The following KCNMB2 variants were observed in gnomAD, a reference collection of about 807,000 sequenced individuals.
The protein encoded by KCNMB2 is calcium-activated potassium channel subunit beta-2.
In KCNMB2, 9 loss-of-function variants were observed where a neutral mutation model predicts 24.5. That is an observed-to-expected ratio of 0.37 (90% CI 0.22 to 0.64). The LOEUF is 0.64. Ranked by LOEUF, KCNMB2 falls within the 30% of genes least tolerant of loss-of-function variation. KCNMB2 has a pLI of 0.63. For synonymous variants in KCNMB2, 109 were observed against 104.4 expected, an observed-to-expected ratio of 1.04 and a Z score of -0.27; for missense variants, 226 against 284.3, an observed-to-expected ratio of 0.79 and a Z score of 1.47.
chr3:178,662,165 C>T lies in KCNMB2; in HGVS notation c.-68+125454C>T, dbSNP rs368991347. Among the ~76,000 whole-genome samples, 46 of 152,224 alleles carry T rather than the reference C, an allele frequency of 3.0e-4. 1 individual carries two copies. In the South Asian group the frequency reaches 7.9e-3, roughly 26 times the overall value. ...TTATATGCTAAAGTATTGAAATTAT[C>T]GCATAGCCACAGAAATAAATTTTTA... On this transcript the variant is annotated intron_variant, in intron 1 of 4. Coordinates refer to ENST00000452583, the MANE Select transcript of KCNMB2 (RefSeq NM_181361.3).
rs1717492269 is a variant in KCNMB2 at position 178,587,603 on chromosome 3, T to G, written c.-68+50892T>G. Among the ~76,000 whole-genome samples, 3 of 145,414 alleles carry G rather than the reference T, an allele frequency of 2.1e-5. No individual in the cohort carries two copies. In the South Asian group the frequency reaches 6.6e-4, roughly 32 times the overall value. On this transcript the variant is annotated intron_variant, in intron 1 of 4. Coordinates refer to ENST00000452583, the MANE Select transcript of KCNMB2 (RefSeq NM_181361.3). ...CACACCCGGCTAATTTTTTGGGTGG[T>G]TTTTTTTTTTTTTTGTATTTTTAGT... is the stretch of plus-strand genomic sequence containing the variant.
intron 2 of KCNMB2, among the ~76,000 whole-genome samples, chr3:178,812,208 T>A (rs2108456034): frequency 6.6e-6 from 1 of 152,240 alleles, no homozygotes; most frequent in Non-Finnish European, 1.5e-5. Context: ...CTTTTTCATG[T>A]CTTTTGATAA....
At chr3:178,538,099 T>A (rs779810338) in intron 1 of KCNMB2, among the ~76,000 whole-genome samples, 1 of 152,234 alleles carries the variant, frequency 6.6e-6, no homozygotes, top group Non-Finnish European at 1.5e-5. Context: ...CTTCTATATA[T>A]ATACTGTAAT....
At chr3:178,582,340 A>T (rs1244458873) in intron 1 of KCNMB2, among the ~76,000 whole-genome samples, 1 of 152,166 alleles carries the variant, frequency 6.6e-6, no homozygotes, top group Admixed American at 6.6e-5. Flanking sequence ...GGGAGAGAAC[A>T]TCACACACCA....
At chr3:178,580,253 C>A (rs1004043499) in intron 1 of KCNMB2, among the ~76,000 whole-genome samples, 1 of 152,254 alleles carries the variant, frequency 6.6e-6, no homozygotes, top group African/African-American at 2.4e-5. Context: ...AACACATAAC[C>A]AGAACCAATG....
intron 1 of KCNMB2, among the ~76,000 whole-genome samples, chr3:178,594,044 C>T (rs1195546639): frequency 6.6e-6 from 1 of 151,718 alleles, no homozygotes; most frequent in Non-Finnish European, 1.5e-5. Flanking sequence ...TCTTCCCTCC[C>T]TCCCTCCTTA....
At chr3:178,764,859 C>A (rs527413123) in intron 1 of KCNMB2, among the ~76,000 whole-genome samples, 53 of 152,042 alleles carry the variant, frequency 3.5e-4, no homozygotes, top group African/African-American at 1.3e-3. Context: ...ATTGTGTTAG[C>A]CACAGAAGAA....
chr3:178,571,447 G>GAGATATATATAT (rs1491315279), intron 1 of KCNMB2, among the ~76,000 whole-genome samples: 3 of 91,102 alleles, frequency 3.3e-5, no homozygotes, highest in African/African-American at 9.9e-5. Context: ...TTTCCTTATG[G>GAGATATATATAT]ATATATATAT....
intron 1 of KCNMB2, among the ~76,000 whole-genome samples, chr3:178,727,340 G>A (rs1324525581): frequency 6.6e-6 from 1 of 151,984 alleles, no homozygotes; most frequent in Non-Finnish European, 1.5e-5. Flanking sequence ...CCATTTAGAA[G>A]GCTTTTATTA....
intron 3 of KCNMB2, among the ~76,000 whole-genome samples, chr3:178,826,865 A>C (rs1289110613): frequency 3.3e-5 from 5 of 152,198 alleles, no homozygotes; most frequent in African/African-American, 7.2e-5. Flanking sequence ...TTTCTATGAA[A>C]GTGCTGATGC....
chr3:178,651,849 G>A (rs1022368980), intron 1 of KCNMB2, among the ~76,000 whole-genome samples: 3 of 152,148 alleles, frequency 2.0e-5, no homozygotes, highest in Non-Finnish European at 4.4e-5. Flanking sequence ...AAACAGTGTT[G>A]GGAAAACTGG....
chr3:178,601,202 G>C (rs999316731), intron 1 of KCNMB2, among the ~76,000 whole-genome samples: 27 of 151,636 alleles, frequency 1.8e-4, no homozygotes, highest in Admixed American at 5.9e-4. Flanking sequence ...CAGGGGGTTG[G>C]GGGGGAAGGG....
At chr3:178,674,642 T>C (rs1373379256) in intron 1 of KCNMB2, among the ~76,000 whole-genome samples, 2 of 152,124 alleles carry the variant, frequency 1.3e-5, no homozygotes, top group Non-Finnish European at 2.9e-5. Flanking sequence ...AACCCCATCA[T>C]GGTCTATTTC....
At chr3:178,682,328 C>T (rs1276467550) in intron 1 of KCNMB2, among the ~76,000 whole-genome samples, 1 of 152,134 alleles carries the variant, frequency 6.6e-6, no homozygotes, top group Non-Finnish European at 1.5e-5. Context: ...ACAATAATTG[C>T]TGTTGGTCAT....
At chr3:178,696,669 T>C (rs1266616688) in intron 1 of KCNMB2, among the ~76,000 whole-genome samples, 1 of 152,230 alleles carries the variant, frequency 6.6e-6, no homozygotes, top group East Asian at 1.9e-4. Context: ...CTTGATTCTC[T>C]AGCTCTTTCA....
chr3:178,743,946 C>A (rs1236166143), intron 1 of KCNMB2, among the ~76,000 whole-genome samples: 2 of 152,204 alleles, frequency 1.3e-5, no homozygotes, highest in African/African-American at 4.8e-5. Flanking sequence ...GCATCTATTT[C>A]TGGAGATTTG....
chr3:178,607,936 T>C (rs191532379), intron 1 of KCNMB2, among the ~76,000 whole-genome samples: 1 of 152,304 alleles, frequency 6.6e-6, no homozygotes, highest in Non-Finnish European at 1.5e-5. Context: ...AGTTCTAAGA[T>C]TCTTCCTTAA....
intron 1 of KCNMB2, among the ~76,000 whole-genome samples, chr3:178,563,345 A>G (rs1716392020): frequency 6.6e-6 from 1 of 152,216 alleles, no homozygotes. Flanking sequence ...CTTCACAGTC[A>G]GAGTTGTCCA....
intron 4 of KCNMB2, among the ~76,000 whole-genome samples, chr3:178,840,133 C>T (rs1035740084): frequency 6.6e-6 from 1 of 152,196 alleles, no homozygotes; most frequent in Non-Finnish European, 1.5e-5. Flanking sequence ...AAAGGGACCA[C>T]AGGCCCCATA....
Sources: allele counts gnomAD v4.1 joint callset (sites outside exome capture counted in the v4.1 genomes callset), GRCh38; gene constraint gnomAD v4.1.1; transcripts MANE v1.5; gene names NCBI Gene and HGNC (gene_info 2026-07-23, HGNC 2026-07-21).